ST6GALNAC6: variants seen among roughly 807,000 people sequenced by gnomAD.
ST6GALNAC6 encodes ST6 N-acetylgalactosaminide alpha-2,6-sialyltransferase 6.
ST6GALNAC6 carries 19 observed loss-of-function variants against 34.3 expected under a neutral mutation model. The observed-to-expected ratio is 0.55, with a 90% CI of 0.39 to 0.81. The LOEUF is 0.81. Among genes scored for constraint, ST6GALNAC6 ranks in the 40% least tolerant of loss-of-function variants. ST6GALNAC6 has a pLI of 0.00. For missense variants in ST6GALNAC6, 377 were observed against 467.7 expected, an observed-to-expected ratio of 0.81 and a Z score of 1.79; for synonymous variants, 185 against 182.1, an observed-to-expected ratio of 1.02 and a Z score of -0.13.
In ST6GALNAC6 at chr9:127,886,721, T is replaced by C. The variant is rs1829779497; in HGVS notation, c.880A>G (p.Thr294Ala). The C allele has an allele frequency of 3.1e-6, 5 of 1,613,794 alleles. No homozygotes were observed. Among genetic ancestry groups the C allele is most frequent in the Admixed American group, 1.7e-5 (1 of 59,984 alleles). ...YEPKGPDECVTYIQNEHSRKG... is the reference protein window; with the variant it reads ...YEPKGPDECVAYIQNEHSRKG... ...CGACTGTGCTCATTCTGGATGTAGG[T>C]GACACATTCGTCCGGCCCCTTGGGC... Residue 294 changes from threonine to alanine, a missense_variant, in exon 7 of 7, where the codon ACC (threonine) becomes GCC (alanine). Transcript: ENST00000373146.
intron 1 of ST6GALNAC6, among the ~76,000 whole-genome samples, chr9:127,898,836 C>T (rs1777098185): frequency 6.6e-6 from 1 of 152,174 alleles, no homozygotes; most frequent in Admixed American, 6.5e-5. Context: ...GGACGTGGCT[C>T]GGCACAGGCA....
upstream of ST6GALNAC6, among the ~76,000 whole-genome samples, chr9:127,901,045 C>T (rs937532297): frequency 1.9e-4 from 23 of 119,118 alleles, no homozygotes; most frequent in Non-Finnish European, 3.3e-4. Context: ...AAGTTGTAAA[C>T]ATTTGCATTC....
chr9:127,900,560 C>CAAAAAAAAAAAAAA (rs71380101), upstream of ST6GALNAC6, among the ~76,000 whole-genome samples: 2 of 44,170 alleles, frequency 4.5e-5, no homozygotes, highest in African/African-American at 1.2e-4. Flanking sequence ...AACTCCGTCT[C>CAAAAAAAAAAAAAA]AAAAAAAAAA....
intron 4 of ST6GALNAC6, among the ~76,000 whole-genome samples, chr9:127,893,266 G>A (rs551974444): frequency 4.6e-5 from 7 of 152,160 alleles, no homozygotes; most frequent in Non-Finnish European, 8.8e-5. Context: ...GAGAACAGCA[G>A]GTCACAAAGT....
At chr9:127,896,043 A>G (rs1345239784) in intron 3 of ST6GALNAC6, among the ~76,000 whole-genome samples, 199 bp downstream of exon 3, 3 of 152,194 alleles carry the variant, frequency 2.0e-5, no homozygotes, top group Non-Finnish European at 4.4e-5. Context: ...GGGCCCGGGA[A>G]CAGGCAGGAG....
chr9:127,896,407 C>G, intron 2 of ST6GALNAC6, 75 bp from the exon 3 acceptor site: 1 of 1,287,750 alleles, frequency 7.8e-7, no homozygotes, highest in South Asian at 1.4e-5. Context: ...ACCTTCTCTG[C>G]CCCGCACTAG....
At chr9:127,901,848 G>A (rs1431908727), upstream of ST6GALNAC6, among the ~76,000 whole-genome samples, 1 of 151,278 alleles carries the variant, frequency 6.6e-6, no homozygotes, top group African/African-American at 2.4e-5. Context: ...CAGGAGAATC[G>A]CTGGACCCTA....
chr9:127,890,864 G>A lies in ST6GALNAC6; in HGVS notation c.477C>T (p.Ser159=). ...NKTTYRVVAH[S]SVFRVLRRPQ... is the part of the protein sequence containing the mutation. ...GCCTCCTCAGCACGCGGAACACACTGGAATGGGCCACGACGCGGTAGGTGG... is the reference window on the plus strand; with the variant it reads ...GCCTCCTCAGCACGCGGAACACACTAGAATGGGCCACGACGCGGTAGGTGG... Residue 159 remains serine, a synonymous_variant, in exon 5 of 7, where the codon TCC becomes TCT. Coordinates refer to ENST00000373146, the MANE Select transcript of ST6GALNAC6 (RefSeq NM_013443.5). The surrounding 1 kb of genome is among the most constrained non-coding windows in gnomAD (Gnocchi z 4.3). The A allele has an allele frequency of 1.2e-6, 2 of 1,614,208 alleles. No homozygotes were observed. The highest frequency in any genetic ancestry group is 1.7e-6 in the Non-Finnish European group (2 of 1,180,038).
intron 3 of ST6GALNAC6, among the ~76,000 whole-genome samples, chr9:127,895,249 G>A (rs765489514): frequency 8.5e-5 from 13 of 152,232 alleles, no homozygotes; most frequent in Non-Finnish European, 1.9e-4. Context: ...CACTGCAGGA[G>A]GAAAAGCATT....
At chr9:127,904,177 C>G (rs1282102464), upstream of ST6GALNAC6, 1 of 152,234 alleles carries the variant, frequency 6.6e-6, no homozygotes, top group African/African-American at 2.4e-5. Context: ...AACCCACTTT[C>G]CAGAGGAAGA....
In ST6GALNAC6 at chr9:127,890,934, T is replaced by G; in HGVS notation, c.407A>C (p.Asn136Thr). The G allele has an allele frequency of 6.2e-7, 1 of 1,614,168 alleles. No individual in the cohort carries two copies. The change falls in exon 5 of 7, where the codon AAT becomes ACT. Residue 136 changes from asparagine to threonine, a missense_variant. Physicochemically the swap from Asn to Thr is moderately conservative, Grantham distance 65. Transcript: ENST00000373146. The surrounding 1 kb of genome is among the most constrained non-coding windows in gnomAD (Gnocchi z 4.3). ...IERAECTIRM[N>T]DAPTTGYSAD... is the part of the protein sequence containing the mutation. ...TGAGTAGCCAGTGGTGGGTGCATCA[T>G]TCATGCGGATTGTACACTCAGCCCG...
intron 2 of ST6GALNAC6, among the ~76,000 whole-genome samples, chr9:127,897,664 A>C (rs941018210): frequency 6.6e-6 from 1 of 152,088 alleles, no homozygotes; most frequent in Non-Finnish European, 1.5e-5. Context: ...TCTTGCCCTC[A>C]CAGACCGTTA....
At position 127,894,521 on chromosome 9, in the gene ST6GALNAC6, G is replaced by A. The variant is rs11552227; in HGVS notation, c.288C>T (p.Leu96=). Reference sequence around the variant, plus strand: ...AAAGCAGCTGCGCTACCTTGTTGCCGAGAATGGGGACATAGCCGTCAGTGA... The same window carrying A: ...AAAGCAGCTGCGCTACCTTGTTGCCAAGAATGGGGACATAGCCGTCAGTGA... ...WSITDGYVPI[L]GNKTLPSRCH... Residue 96 remains leucine, a synonymous_variant, in exon 4 of 7, where the codon CTC becomes CTT. Transcript: ENST00000373146. The A allele has an allele frequency of 2.8e-4, 457 of 1,613,780 alleles. No homozygotes were observed. The highest frequency in any genetic ancestry group is 3.6e-4 in the Non-Finnish European group (430 of 1,180,002).
intron 5 of ST6GALNAC6, among the ~76,000 whole-genome samples, chr9:127,889,375 C>T (rs1359422649): frequency 6.6e-6 from 1 of 151,506 alleles, no homozygotes; most frequent in Non-Finnish European, 1.5e-5. Context: ...TCTCCTAGAA[C>T]CAATAAGTAA....
rs1432729232 is a variant in ST6GALNAC6, at chr9:127,899,547, C to G, written c.-74G>C. 19 of 980,978 alleles carry G rather than the reference C, an allele frequency of 1.9e-5. No homozygotes were observed. Among genetic ancestry groups the G allele is most frequent in the Non-Finnish European group, 2.3e-5 (19 of 828,216 alleles). 60.8% of individuals were successfully genotyped at this position (980,978 alleles called of 1,614,324 possible). A position where few individuals can be genotyped will look rare whatever the true frequency, so the allele number is the denominator to read the frequency against. On this transcript the variant is annotated 5_prime_UTR_variant, in exon 1 of 7. The change abolishes the stop of an existing upstream ORF in the 5' untranslated region. Coordinates refer to ENST00000373146, the MANE Select transcript of ST6GALNAC6 (RefSeq NM_013443.5). ...GCCCCCCGCGGCCCCCGAGCCCCCT[C>G]ACATGGCGCCGGGAGCCGAGCGCCG... is the stretch of plus-strand genomic sequence containing the variant.
Position 127,896,265 on chromosome 9 carries a change from G to C in ST6GALNAC6, c.94C>G (p.Arg32Gly), listed in dbSNP as rs201861288. 3.7e-6 allele frequency: 6 copies of C among 1,614,114 alleles called. No individual in the cohort carries two copies. In the East Asian group the frequency reaches 8.9e-5, roughly 24 times the overall value. Residue 32 changes from arginine to glycine, a missense_variant, in exon 3 of 7, where the codon CGG (arginine) becomes GGG (glycine). Arg to Gly is a moderately radical substitution (Grantham distance 125, BLOSUM62 -2). Transcript: ENST00000373146. Reference protein sequence around the residue: ...GRRHLPLSRRRREMSSNKEQR... With the variant: ...GRRHLPLSRRGREMSSNKEQR... ...ACTTTGTTGCTACTCATTTCTCTCC[G>C]GCGTCTGCTGAGGGGTAGGTGTCGG...
At chr9:127,905,496 A>C, upstream of ST6GALNAC6, 1 of 947,266 alleles carries the variant, frequency 1.1e-6, no homozygotes, top group Admixed American at 6.2e-5. Context: ...GGGATAGAGA[A>C]GGAAGAGGAG....
intron 5 of ST6GALNAC6, among the ~76,000 whole-genome samples, chr9:127,889,263 A>T (rs904153280): frequency 6.6e-6 from 1 of 151,084 alleles, no homozygotes; most frequent in Non-Finnish European, 1.5e-5. Flanking sequence ...CAGCAGAATC[A>T]CTTGAACCCA....
intron 4 of ST6GALNAC6, among the ~76,000 whole-genome samples, chr9:127,891,250 C>T (rs906992662): frequency 1.3e-5 from 2 of 152,154 alleles, no homozygotes; most frequent in African/African-American, 4.8e-5. Context: ...ACAGACCAGG[C>T]TTCTGCCTTC....
Sources: gnomAD v4.1 joint callset for allele counts (sites outside exome capture counted in the v4.1 genomes callset) on GRCh38, gnomAD v4.1.1 for gene constraint, Gnocchi (gnomAD v3.1) non-coding constraint, MANE v1.5 for transcripts, NCBI Gene and HGNC (gene_info 2026-07-23, HGNC 2026-07-21) for gene names.